AATF: variants seen among roughly 807,000 people sequenced by gnomAD.
AATF encodes the protein apoptosis antagonizing transcription factor.
In AATF, 48 loss-of-function variants were observed where a neutral mutation model predicts 63.7. That is an observed-to-expected ratio of 0.75 (90% CI 0.60 to 0.96). The LOEUF is 0.96. AATF is among the 40% of genes least tolerant of loss of function. The pLI, the probability that AATF is intolerant of heterozygous loss-of-function variation, is 0.00. For synonymous variants in AATF, 258 were observed against 247.7 expected, an observed-to-expected ratio of 1.04 and a Z score of -0.39; for missense variants, 639 against 685.7, an observed-to-expected ratio of 0.93 and a Z score of 0.76.
Position 37,056,747 on chromosome 17 carries a change from G to T in AATF, c.*83G>T. ...TGGAGGAAACCAGTGACTTTATGGG[G>T]CTGAGCTAGTAGGGAAGCCCCTGGA... On this transcript the variant is annotated 3_prime_UTR_variant, in exon 12 of 12. Coordinates refer to ENST00000619387, the MANE Select transcript of AATF (RefSeq NM_012138.4). The T allele has an allele frequency of 2.1e-6, 3 of 1,450,130 alleles. No homozygotes were observed. The East Asian group carries it at 6.8e-5, about 33-fold the overall frequency. The allele number at this position is 1,450,130 out of a possible 1,614,324, so 89.8% of individuals were successfully genotyped here. A position where few individuals can be genotyped will look rare whatever the true frequency, so the allele number is the denominator to read the frequency against.
intron 2 of AATF, among the ~76,000 whole-genome samples, chr17:36,952,482 C>T (rs2070862978): frequency 6.6e-6 from 1 of 152,216 alleles, no homozygotes; most frequent in African/African-American, 2.4e-5. Flanking sequence ...ACTGGTAATT[C>T]TCTAACACCA....
chr17:37,041,859 GT>G (rs1396842272), intron 11 of AATF, among the ~76,000 whole-genome samples: 5 of 152,140 alleles, frequency 3.3e-5, no homozygotes. Context: ...GTTACTTACT[GT>G]TTTTAAGTTC....
intron 4 of AATF, among the ~76,000 whole-genome samples, chr17:36,983,059 A>G (rs891786927): frequency 2.0e-5 from 3 of 151,702 alleles, no homozygotes; most frequent in African/African-American, 7.3e-5. Flanking sequence ...TTTTATTGTT[A>G]GAGACAGCAT....
At chr17:36,970,527 T>C (rs1225480205) in intron 4 of AATF, among the ~76,000 whole-genome samples, 1 of 139,024 alleles carries the variant, frequency 7.2e-6, no homozygotes, top group Non-Finnish European at 1.5e-5. Context: ...GGATAGTTTC[T>C]TTCTTTCTTT....
chr17:37,033,795 TG>T (rs1485240560), intron 11 of AATF: 1 of 154,658 alleles, frequency 6.5e-6, no homozygotes, highest in Non-Finnish European at 1.5e-5. Context: ...CCAAGATGGC[TG>T]TTGCAACTTA....
intron 2 of AATF, among the ~76,000 whole-genome samples, chr17:36,950,687 C>T (rs2070848559): frequency 6.6e-6 from 1 of 152,120 alleles, no homozygotes; most frequent in African/African-American, 2.4e-5. Flanking sequence ...TTAGTAGAGA[C>T]GGGGTTTGTC....
At chr17:36,951,281 G>A (rs2070852911) in intron 2 of AATF, among the ~76,000 whole-genome samples, 1 of 152,140 alleles carries the variant, frequency 6.6e-6, no homozygotes, top group Non-Finnish European at 1.5e-5. Context: ...AGTTCTGGGA[G>A]CTCCTGATAA....
At chr17:37,042,737 C>CTTTTTTTTTTT (rs556843023) in intron 11 of AATF, among the ~76,000 whole-genome samples, 1 of 137,374 alleles carries the variant, frequency 7.3e-6, no homozygotes. Context: ...TTTTTTCTTT[C>CTTTTTTTTTTT]TTTTTTTTTT....
chr17:36,965,857 C>A (rs920914723), intron 4 of AATF, among the ~76,000 whole-genome samples: 3 of 151,850 alleles, frequency 2.0e-5, no homozygotes, highest in African/African-American at 7.3e-5. Flanking sequence ...CGTGCCACCA[C>A]GTCCAGCTAA....
In AATF at chr17:36,953,145, A is replaced by G. The variant is rs1389694367; in HGVS notation, c.543A>G (p.Glu181=). 6.2e-7 allele frequency: 1 copy of G among 1,614,166 alleles called. No homozygotes were observed. The highest frequency in any genetic ancestry group is 1.7e-5 in the Admixed American group (1 of 60,006). ...AGGAAGACGAAGAGAGTGGCATGGA[A>G]GAAGGGGATGACGCGGAAGACTCCC... is the stretch of plus-strand genomic sequence containing the variant. ...EEEEDEESGM[E]EGDDAEDSQG... Residue 181 remains glutamate, a synonymous_variant, in exon 3 of 12, where the codon GAA becomes GAG. Transcript: ENST00000619387.
intron 8 of AATF, among the ~76,000 whole-genome samples, chr17:37,000,194 A>T (rs992182776): frequency 6.6e-6 from 1 of 152,180 alleles, no homozygotes; most frequent in Non-Finnish European, 1.5e-5. Context: ...GGCTTAAACT[A>T]GGGTGGTTTT....
At chr17:36,975,861 TA>T (rs1246426827) in intron 4 of AATF, among the ~76,000 whole-genome samples, 5 of 152,240 alleles carry the variant, frequency 3.3e-5, no homozygotes, top group Non-Finnish European at 7.3e-5. Context: ...AGTTTTTCTT[TA>T]AAAAATTATT....
At chr17:37,050,347 A>G (rs2142327298) in intron 11 of AATF, among the ~76,000 whole-genome samples, 1 of 152,348 alleles carries the variant, frequency 6.6e-6, no homozygotes, top group East Asian at 1.9e-4. Context: ...AAAATCTAAC[A>G]AAGTTCAAAT....
At chr17:36,984,238 A>G (rs1382913510) in intron 4 of AATF, among the ~76,000 whole-genome samples, 1 of 152,244 alleles carries the variant, frequency 6.6e-6, no homozygotes, top group Non-Finnish European at 1.5e-5. Context: ...AAATGGAAGG[A>G]GTGATAGAAG....
chr17:37,015,089 G>A (rs2071419524), intron 8 of AATF, among the ~76,000 whole-genome samples: 1 of 152,100 alleles, frequency 6.6e-6, no homozygotes, highest in Admixed American at 6.5e-5. Flanking sequence ...GTTTGTGCAT[G>A]AGGATTTCCT....
chr17:37,035,467 C>T (rs1317584071), intron 11 of AATF, among the ~76,000 whole-genome samples: 1 of 151,780 alleles, frequency 6.6e-6, no homozygotes, highest in Non-Finnish European at 1.5e-5. Context: ...AGGAAAAATG[C>T]ACCTTTGCAT....
At chr17:37,054,314 C>T (rs780125877) in intron 11 of AATF, among the ~76,000 whole-genome samples, 4 of 152,176 alleles carry the variant, frequency 2.6e-5, no homozygotes, top group Non-Finnish European at 5.9e-5. Flanking sequence ...TCATGAGAAA[C>T]GGTGAGATCT....
At chr17:37,031,805 C>T in intron 11 of AATF, 120 bp downstream of exon 11, 1 of 817,846 alleles carries the variant, frequency 1.2e-6, no homozygotes, top group East Asian at 2.5e-5. Flanking sequence ...ATTGGCATCG[C>T]AGTAAGGGTC....
At chr17:36,960,307 C>T (rs748805902) in intron 4 of AATF, among the ~76,000 whole-genome samples, 10 of 152,240 alleles carry the variant, frequency 6.6e-5, no homozygotes, top group Admixed American at 2.6e-4. Context: ...CCACTGCACC[C>T]GGCTAGACTA....
Sources: gnomAD v4.1 joint callset for allele counts (sites outside exome capture counted in the v4.1 genomes callset) on GRCh38, gnomAD v4.1.1 for gene constraint, MANE v1.5 for transcripts, NCBI Gene and HGNC (gene_info 2026-07-23, HGNC 2026-07-21) for gene names.